ANKS1B: variants seen among roughly 807,000 people sequenced by gnomAD.
ANKS1B encodes ankyrin repeat and sterile alpha motif domain-containing protein 1B.
Under a neutral mutation model 148.3 loss-of-function variants are expected in ANKS1B, and 36 were observed. That is an observed-to-expected ratio of 0.24 (90% confidence interval 0.19 to 0.32). The LOEUF is 0.32. Among genes scored for constraint, ANKS1B ranks in the 10% least tolerant of loss-of-function variants. The pLI is 1.00. For synonymous variants in ANKS1B, 542 were observed against 560.8 expected, an observed-to-expected ratio of 0.97 and a Z score of 0.47; for missense variants, 1,157 against 1,542.6, an observed-to-expected ratio of 0.75 and a Z score of 4.19.
At chr12:99,315,465 C>T (rs570746881) in intron 12 of ANKS1B, among the ~76,000 whole-genome samples, 60 of 152,182 alleles carry the variant, frequency 3.9e-4, no homozygotes, top group Admixed American at 8.5e-4. Context: ...TGAAGAAAAG[C>T]TCAACATCAC....
intron 9 of ANKS1B, among the ~76,000 whole-genome samples, chr12:99,532,092 A>G (rs1048251847): frequency 1.3e-5 from 2 of 151,162 alleles, no homozygotes; most frequent in South Asian, 4.2e-4. Flanking sequence ...GATTCTGCAT[A>G]TTAGTGCTTT....
At chr12:99,175,081 C>T (rs1442412321) in intron 14 of ANKS1B, among the ~76,000 whole-genome samples, 1 of 151,716 alleles carries the variant, frequency 6.6e-6, no homozygotes, top group Admixed American at 6.6e-5. Context: ...GATATAAGAA[C>T]ATTGACATGG....
At chr12:99,038,335 CTTTGA>C (rs2099956800) in intron 17 of ANKS1B, among the ~76,000 whole-genome samples, 1 of 152,136 alleles carries the variant, frequency 6.6e-6, no homozygotes, top group South Asian at 2.1e-4. Flanking sequence ...TCCTTAATTC[CTTTGA>C]TTTATCTACA....
intron 12 of ANKS1B, among the ~76,000 whole-genome samples, chr12:99,349,014 T>A (rs549532373): frequency 2.6e-5 from 4 of 152,054 alleles, no homozygotes; most frequent in East Asian, 3.9e-4. Context: ...TGTGAAAACA[T>A]GGAATTTGTG....
intron 12 of ANKS1B, among the ~76,000 whole-genome samples, chr12:99,260,577 A>G (rs1348241981): frequency 6.6e-6 from 1 of 152,188 alleles, no homozygotes; most frequent in East Asian, 1.9e-4. Context: ...ATATCTAGGG[A>G]GTATGTTTTA....
At chr12:98,948,286 T>C (rs557219113) in intron 17 of ANKS1B, among the ~76,000 whole-genome samples, 25 of 152,342 alleles carry the variant, frequency 1.6e-4, no homozygotes, top group African/African-American at 6.0e-4. Flanking sequence ...CTATTTTCTA[T>C]GATTATAACC....
At chr12:99,888,135 C>A (rs926037700) in intron 1 of ANKS1B, among the ~76,000 whole-genome samples, 1 of 152,162 alleles carries the variant, frequency 6.6e-6, no homozygotes, top group South Asian at 2.1e-4. Flanking sequence ...TTGTTCACTC[C>A]ACAAATATTA....
At chr12:99,962,282 T>C (rs1414057631) in intron 1 of ANKS1B, among the ~76,000 whole-genome samples, 2 of 152,290 alleles carry the variant, frequency 1.3e-5, no homozygotes, top group African/African-American at 2.4e-5. Context: ...CTCCCACTTA[T>C]AAATGAGAAC....
chr12:98,804,433 T>C (rs964025928), intron 20 of ANKS1B, among the ~76,000 whole-genome samples: 3 of 150,698 alleles, frequency 2.0e-5, no homozygotes, highest in Non-Finnish European at 4.4e-5. Context: ...TTTTTTTTTT[T>C]AAACTTAGAT....
At chr12:99,466,620 C>T (rs2096120985) in intron 10 of ANKS1B, among the ~76,000 whole-genome samples, 1 of 150,106 alleles carries the variant, frequency 6.7e-6, no homozygotes, top group South Asian at 2.1e-4. Context: ...ACCACCGATC[C>T]CACAGAAATA....
intron 14 of ANKS1B, among the ~76,000 whole-genome samples, chr12:99,206,333 T>G (rs2082665198): frequency 6.6e-6 from 1 of 152,182 alleles, no homozygotes; most frequent in Admixed American, 6.5e-5. Flanking sequence ...AATGGCCAAA[T>G]CTTACTAAAG....
intron 15 of ANKS1B, among the ~76,000 whole-genome samples, chr12:99,114,665 T>C (rs943510946): frequency 1.3e-5 from 2 of 152,014 alleles, no homozygotes; most frequent in African/African-American, 2.4e-5. Context: ...GGCAGAAGAA[T>C]TGCTTGAACC....
chr12:99,810,409 A>C (rs1359545700), intron 3 of ANKS1B, among the ~76,000 whole-genome samples: 1 of 152,034 alleles, frequency 6.6e-6, no homozygotes, highest in African/African-American at 2.4e-5. Context: ...GGAAAAAAGA[A>C]AGCTAAAATT....
intron 1 of ANKS1B, among the ~76,000 whole-genome samples, chr12:99,891,101 G>T (rs1433247533): frequency 6.6e-6 from 1 of 152,146 alleles, no homozygotes; most frequent in African/African-American, 2.4e-5. Context: ...TATTCATTTT[G>T]TAGCGTGCAT....
At chr12:99,904,650 A>T (rs2093718781) in intron 1 of ANKS1B, among the ~76,000 whole-genome samples, 1 of 152,224 alleles carries the variant, frequency 6.6e-6, no homozygotes, top group Non-Finnish European at 1.5e-5. Context: ...TCTGTATTCC[A>T]GCCTTGATTA....
At chr12:99,829,618 T>G (rs1015661556) in intron 1 of ANKS1B, among the ~76,000 whole-genome samples, 3 of 152,038 alleles carry the variant, frequency 2.0e-5, no homozygotes, top group African/African-American at 7.2e-5. Context: ...ACCACTGCAC[T>G]CCAGACTGGG....
intron 3 of ANKS1B, among the ~76,000 whole-genome samples, chr12:99,807,446 C>G (rs2067771191): frequency 6.6e-6 from 1 of 152,000 alleles, no homozygotes; most frequent in Non-Finnish European, 1.5e-5. Context: ...CAGAGGGACC[C>G]TTCAGACTAT....
At chr12:98,749,898 A>T (rs2098030529) in intron 26 of ANKS1B, among the ~76,000 whole-genome samples, 2 of 152,116 alleles carry the variant, frequency 1.3e-5, no homozygotes, top group South Asian at 4.2e-4. Flanking sequence ...TTTTAGGGGT[A>T]GGGTGGATGG....
chr12:99,797,870 G>A (rs2066442106), intron 4 of ANKS1B, among the ~76,000 whole-genome samples: 1 of 151,986 alleles, frequency 6.6e-6, no homozygotes, highest in South Asian at 2.1e-4. Context: ...AGGGAGAGAA[G>A]ATGACGTTCA....
Sources: allele counts gnomAD v4.1 joint callset (sites outside exome capture counted in the v4.1 genomes callset), GRCh38; gene constraint gnomAD v4.1.1; transcripts MANE v1.5; gene names NCBI Gene and HGNC (gene_info 2026-07-23, HGNC 2026-07-21).